AP4M1: variants seen among roughly 807,000 people sequenced by gnomAD.
AP4M1 encodes the protein AP-4 complex subunit mu-1.
A neutral mutation model predicts 62.4 loss-of-function variants in AP4M1; 58 were observed. That is an observed-to-expected ratio of 0.93 (90% CI 0.75 to 1.16). AP4M1 has a LOEUF of 1.16. Ranked by LOEUF, AP4M1 falls within the 50% of genes most tolerant of loss-of-function variation. The pLI is 0.00. For missense variants in AP4M1, 626 were observed against 585.4 expected, an observed-to-expected ratio of 1.07 and a Z score of -0.72; for synonymous variants, 290 against 239.7, an observed-to-expected ratio of 1.21 and a Z score of -1.94.
rs1344550427 is a variant in AP4M1 at position 100,106,004 on chromosome 7, G to T, written c.974+1G>T. 6.2e-7 allele frequency: 1 copy of T among 1,614,160 alleles called. No individual in the cohort carries two copies. The highest frequency in any genetic ancestry group is 8.5e-7 in the Non-Finnish European group (1 of 1,180,040). ...TGCGATGTGACCTGCTCTCAAAGAG[G>T]TAAGAGTGAGGCTGGCCTGGCTGAG... On this transcript the variant is annotated splice_donor_variant, in intron 12 of 14. Transcript: ENST00000359593. LOFTEE classifies it high-confidence loss of function.
rs746053947 is a variant in AP4M1 at position 100,108,169 on chromosome 7, AGAG to A, written c.*1291_*1293del. The A allele has an allele frequency of 1.8e-5, 28 of 1,549,066 alleles. No homozygotes were observed. The Admixed American group carries it at 4.9e-4, about 27-fold the overall frequency. On this transcript the variant is annotated 3_prime_UTR_variant, in exon 15 of 15. Coordinates refer to ENST00000359593, the MANE Select transcript of AP4M1 (RefSeq NM_004722.4). ...GGGGAAGTGGCACCATCTACTAAGA[AGAG>A]GAGTCTGAAGGGAGAGGCCTGGGCT...
At chr7:100,101,223 C>A, upstream of AP4M1, 1 of 1,611,776 alleles carries the variant, frequency 6.2e-7, no homozygotes, top group Non-Finnish European at 8.5e-7. Flanking sequence ...CCCCGGGAGG[C>A]TCCCCGCGCA....
At position 100,107,334 on chromosome 7, in the gene AP4M1, T is replaced by C; in HGVS notation, c.*452T>C. 1 of 1,545,298 alleles carries C rather than the reference T, an allele frequency of 6.5e-7. No homozygotes were observed. The highest frequency in any genetic ancestry group is 8.7e-7 in the Non-Finnish European group (1 of 1,145,020). ...AGCTGGAGGGGGACTGTCCCCAGCC[T>C]CCTGCTTCCCCCCACAAAGGGCACT... On this transcript the variant is annotated 3_prime_UTR_variant, in exon 15 of 15. Transcript: ENST00000359593.
In AP4M1 at chr7:100,108,007, C is replaced by T. The variant is rs371844555; in HGVS notation, c.*1125C>T. The T allele has an allele frequency of 4.3e-6, 7 of 1,613,796 alleles. No individual in the cohort carries two copies. Among genetic ancestry groups the T allele is most frequent in the African/African-American group, 2.7e-5 (2 of 74,882 alleles). On this transcript the variant is annotated 3_prime_UTR_variant, in exon 15 of 15. Transcript: ENST00000359593. ...GAGGGGAAGGCTGTGGTGGGGCAGC[C>T]GCTCGTGCAGACACCAGTGTCTGGA...
chr7:100,103,940 G>C, intron 6 of AP4M1, 152 bp from the exon 7 acceptor site: 1 of 703,384 alleles, frequency 1.4e-6, no homozygotes, highest in Non-Finnish European at 2.5e-6. Context: ...CACCCCCCCA[G>C]ATGTGGGTGG....
upstream of AP4M1, chr7:100,100,867 C>T (rs1256533952): frequency 1.5e-5 from 16 of 1,038,692 alleles, no homozygotes; most frequent in African/African-American, 3.4e-5. Context: ...CCCCCGGGGC[C>T]TACGCGCGCC....
intron 6 of AP4M1, 145 bp from the exon 7 acceptor site, chr7:100,103,947 G>C: frequency 2.5e-6 from 2 of 785,794 alleles, no homozygotes; most frequent in Non-Finnish European, 4.4e-6. Context: ...CCAGATGTGG[G>C]TGGAGGTGGG....
intron 7 of AP4M1, 77 bp downstream of exon 7, chr7:100,104,231 G>A: frequency 7.9e-7 from 1 of 1,264,550 alleles, no homozygotes; most frequent in Non-Finnish European, 1.2e-6. Flanking sequence ...AAGACTCCCA[G>A]CAACGGCCGG....
chr7:100,101,468 C>T (rs1382272807), upstream of AP4M1: 5 of 870,638 alleles, frequency 5.7e-6, no homozygotes, highest in Non-Finnish European at 9.0e-6. Context: ...CGGCCTTCTT[C>T]ACCTCCCGCT....
At chr7:100,103,252 C>T (rs1343106896) in intron 4 of AP4M1, 157 bp from the exon 5 acceptor site, 1 of 730,438 alleles carries the variant, frequency 1.4e-6, no homozygotes, top group South Asian at 1.5e-5. Flanking sequence ...CTGTGTTGCC[C>T]AGGCTGGTCT....
At chr7:100,101,837 G>C (rs751792695) in intron 1 of AP4M1, 43 bp from the exon 2 acceptor site, 4 of 1,612,254 alleles carry the variant, frequency 2.5e-6, no homozygotes, top group Non-Finnish European at 3.4e-6. Flanking sequence ...CCCAGGGCCA[G>C]CCTGTGTCGC....
upstream of AP4M1, chr7:100,101,346 T>G: frequency 6.2e-7 from 1 of 1,610,700 alleles, no homozygotes; most frequent in Non-Finnish European, 8.5e-7. Flanking sequence ...GTCTTGCTCC[T>G]GGGGAAGCTG....
Position 100,108,615 on chromosome 7 carries a change from T to TC in AP4M1, c.*1734dup. On this transcript the variant is annotated 3_prime_UTR_variant, in exon 15 of 15. Coordinates refer to ENST00000359593, the MANE Select transcript of AP4M1 (RefSeq NM_004722.4). ...CAGGTAGAGGGAGGGCTGGTGACAC[T>TC]CTTGAGAAGAACCTTGGGGATGGGG... 6.7e-7 allele frequency: 1 copy of TC among 1,491,904 alleles called. No homozygotes were observed. The highest frequency in any genetic ancestry group is 9.0e-7 in the Non-Finnish European group (1 of 1,110,610). The allele number at this position is 1,491,904 out of a possible 1,614,324, so 92.4% of individuals were successfully genotyped here. A position where few individuals can be genotyped will look rare whatever the true frequency, so the allele number is the denominator to read the frequency against.
rs1344550427 is a variant in AP4M1, at chr7:100,106,004, G to A, written c.974+1G>A. The A allele has an allele frequency of 6.2e-7, 1 of 1,614,160 alleles. No homozygotes were observed. Reference sequence around the variant, plus strand: ...TGCGATGTGACCTGCTCTCAAAGAGGTAAGAGTGAGGCTGGCCTGGCTGAG... The same window carrying A: ...TGCGATGTGACCTGCTCTCAAAGAGATAAGAGTGAGGCTGGCCTGGCTGAG... On this transcript the variant is annotated splice_donor_variant, in intron 12 of 14. Transcript: ENST00000359593. LOFTEE classifies it high-confidence loss of function.
chr7:100,106,614 C>G, intron 14 of AP4M1, 44 bp from the exon 15 acceptor site: 2 of 1,232,546 alleles, frequency 1.6e-6, no homozygotes, highest in Non-Finnish European at 2.2e-6. Context: ...CCAGCGTGGT[C>G]AGCTTCTTGC....
At chr7:100,101,474 C>T (rs1277740941), upstream of AP4M1, 2 of 841,006 alleles carry the variant, frequency 2.4e-6, no homozygotes, top group South Asian at 1.6e-5. Context: ...TCTTCACCTC[C>T]CGCTAGCCGC....
Position 100,108,546 on chromosome 7 carries a change from G to C in AP4M1, c.*1664G>C, listed in dbSNP as rs763892748. ...AGAACAGGAGCACAGTGTTTCTGCA[G>C]AACAGAAAAAAAGCCAGGTAGAGGG... On this transcript the variant is annotated 3_prime_UTR_variant, in exon 15 of 15. Coordinates refer to ENST00000359593, the MANE Select transcript of AP4M1 (RefSeq NM_004722.4). 2.1e-5 allele frequency: 33 copies of C among 1,586,196 alleles called. No individual in the cohort carries two copies. Among genetic ancestry groups the C allele is most frequent in the Non-Finnish European group, 2.8e-5 (32 of 1,161,692 alleles).
Position 100,107,464 on chromosome 7 carries a change from ACTT to A in AP4M1, c.*585_*587del, listed in dbSNP as rs761681706. ...GTTGGGGGAAGTGAGACCACGATGTACTTCTGGACACTCCCAGGACCAGAGGGA... is the reference window on the plus strand; with the variant it reads ...GTTGGGGGAAGTGAGACCACGATGTACTGGACACTCCCAGGACCAGAGGGA... On this transcript the variant is annotated 3_prime_UTR_variant, in exon 15 of 15. Coordinates refer to ENST00000359593, the MANE Select transcript of AP4M1 (RefSeq NM_004722.4). 1.2e-6 allele frequency: 2 copies of A among 1,613,028 alleles called. No homozygotes were observed. Among genetic ancestry groups the A allele is most frequent in the African/African-American group, 1.3e-5 (1 of 74,860 alleles).
chr7:100,101,771 C>A lies in AP4M1; in HGVS notation c.57C>A (p.Asp19Glu). Residue 19 changes from aspartate to glutamate, a missense_variant and splice_region_variant, in exon 1 of 15, where the codon GAC becomes GAA. Physicochemically the swap from Asp to Glu is conservative, Grantham distance 45 (BLOSUM62 2). Transcript: ENST00000359593. ...AGGGGGACCCGCTCATCTACAAAGACTGTATCCTAGACCCTTGGGGCTGGG... is the reference window on the plus strand; with the variant it reads ...AGGGGGACCCGCTCATCTACAAAGAATGTATCCTAGACCCTTGGGGCTGGG... ...SSKGDPLIYK[D>E]FRGDSGGRDV... 6.6e-7 allele frequency: 1 copy of A among 1,507,916 alleles called. No individual in the cohort carries two copies. Among genetic ancestry groups the A allele is most frequent in the Non-Finnish European group, 9.0e-7 (1 of 1,107,786 alleles). The allele number at this position is 1,507,916 out of a possible 1,614,324, so 93.4% of individuals were successfully genotyped here. A position where few individuals can be genotyped will look rare whatever the true frequency, so the allele number is the denominator to read the frequency against.
Sources: gnomAD v4.1 joint callset for allele counts on GRCh38, gnomAD v4.1.1 for gene constraint, MANE v1.5 for transcripts, NCBI Gene and HGNC (gene_info 2026-07-23, HGNC 2026-07-21) for gene names.